Variants in CNTN4 observed in about 807,000 individuals in gnomAD.
CNTN4 encodes the protein contactin 4.
A neutral mutation model predicts 122.5 loss-of-function variants in CNTN4; 77 were observed. The observed-to-expected ratio is 0.63, with a 90% CI of 0.52 to 0.76. The LOEUF (loss-of-function observed/expected upper bound fraction) is 0.76, where lower values mean the gene tolerates loss of function less well. Ranked by LOEUF, CNTN4 falls within the 30% of genes least tolerant of loss-of-function variation. The probability of loss-of-function intolerance (pLI) is 0.00; values close to 1 mark genes in which losing one functional copy is unlikely to be tolerated. For synonymous variants in CNTN4, 512 were observed against 447.0 expected, an observed-to-expected ratio of 1.15 and a Z score of -1.83; for missense variants, 1,256 against 1,259.1, an observed-to-expected ratio of 1.00 and a Z score of 0.04.
At chr3:2,532,303 G>C (rs902402885) in intron 3 of CNTN4, among the ~76,000 whole-genome samples, 7 of 151,974 alleles carry the variant, frequency 4.6e-5, no homozygotes, top group African/African-American at 1.7e-4. Context: ...CCCTGGGCTG[G>C]ACTGCAGTGG....
intron 2 of CNTN4, among the ~76,000 whole-genome samples, chr3:2,114,074 T>C (rs1324202659): frequency 6.6e-6 from 1 of 152,094 alleles, no homozygotes; most frequent in Non-Finnish European, 1.5e-5. Context: ...ATAATGGTGG[T>C]AGTTTCATCG....
intron 6 of CNTN4, among the ~76,000 whole-genome samples, chr3:2,758,992 T>G (rs2090465353): frequency 6.6e-6 from 1 of 152,164 alleles, no homozygotes; most frequent in Non-Finnish European, 1.5e-5. Context: ...ACAGTCACTT[T>G]CTGTTCCTTC....
In CNTN4 at chr3:2,828,307, C is replaced by A. The variant is rs147567623; in HGVS notation, c.454+8726C>A. 2.0e-5 allele frequency among the ~76,000 whole-genome samples: 3 copies of A among 152,114 alleles called. 1 individual carries two copies. The highest frequency in any genetic ancestry group is 4.2e-4 in the South Asian group (2 of 4,802). ...TCATGTCACCTGAGAAGCGACTTCC[C>A]TGAGAGATGCCTTATCACCTGCAAG... On this transcript the variant is annotated intron_variant, in intron 7 of 24. Coordinates refer to ENST00000418658, the MANE Select transcript of CNTN4 (RefSeq NM_175607.3).
At chr3:2,559,882 C>A (rs900761882) in intron 3 of CNTN4, among the ~76,000 whole-genome samples, 1 of 152,138 alleles carries the variant, frequency 6.6e-6, no homozygotes, top group Non-Finnish European at 1.5e-5. Flanking sequence ...ATGCAAGCTC[C>A]ATGATAGCAG....
intron 2 of CNTN4, among the ~76,000 whole-genome samples, chr3:2,263,294 C>G (rs1262293841): frequency 6.6e-6 from 1 of 151,962 alleles, no homozygotes; most frequent in East Asian, 1.9e-4. Flanking sequence ...TTAACGGTGT[C>G]AGCAAAATAA....
intron 6 of CNTN4, among the ~76,000 whole-genome samples, chr3:2,801,468 A>G (rs1425638017): frequency 2.0e-5 from 3 of 152,226 alleles, no homozygotes; most frequent in African/African-American, 4.8e-5. Flanking sequence ...GAATCTTTGT[A>G]GCCTCACACA....
At chr3:2,911,583 A>G (rs980882277) in intron 12 of CNTN4, among the ~76,000 whole-genome samples, 2 of 152,214 alleles carry the variant, frequency 1.3e-5, no homozygotes, top group African/African-American at 4.8e-5. Flanking sequence ...ACAGAAATCA[A>G]CCCTAAAGAA....
chr3:2,237,902 T>C (rs1249966121), intron 2 of CNTN4, among the ~76,000 whole-genome samples: 23 of 152,172 alleles, frequency 1.5e-4, no homozygotes, highest in Admixed American at 1.5e-3. Context: ...AAAATAGATT[T>C]ACTGTGATAA....
At chr3:2,332,059 G>A (rs542370157) in intron 2 of CNTN4, among the ~76,000 whole-genome samples, 1 of 152,230 alleles carries the variant, frequency 6.6e-6, no homozygotes, top group Admixed American at 6.5e-5. Context: ...TGAACCTGGT[G>A]CCATCCCCTT....
In CNTN4 at chr3:2,340,710, T is replaced by TATAGAGAG; in HGVS notation, c.-89+1478_-89+1479insTAGAGAGA. 5.8e-3 allele frequency among the ~76,000 whole-genome samples: 106 copies of TATAGAGAG among 18,298 alleles called. 2 individuals are homozygous for TATAGAGAG. Among genetic ancestry groups the TATAGAGAG allele is most frequent in the African/African-American group, 9.8e-3 (98 of 9,976 alleles). 12.0% of individuals were successfully genotyped at this position (18,298 alleles called of 152,430 possible). On this transcript the variant is annotated intron_variant, in intron 3 of 24. Coordinates refer to ENST00000418658, the MANE Select transcript of CNTN4 (RefSeq NM_175607.3). ...TTATATATATATATATATATATATA[T>TATAGAGAG]AGAGAGAGAGAGAGAGAGAGAGAGA...
chr3:2,958,101 C>A (rs966870972), intron 13 of CNTN4, among the ~76,000 whole-genome samples: 1 of 152,128 alleles, frequency 6.6e-6, no homozygotes, highest in Non-Finnish European at 1.5e-5. Flanking sequence ...CCACATATTG[C>A]AAGACTGTAG....
intron 6 of CNTN4, among the ~76,000 whole-genome samples, chr3:2,786,486 G>T (rs1428281555): frequency 1.3e-5 from 2 of 152,126 alleles, no homozygotes; most frequent in African/African-American, 4.8e-5. Flanking sequence ...AAGATCTGTG[G>T]GCTGCGTAAG....
At chr3:2,588,268 G>A (rs907906792) in intron 4 of CNTN4, among the ~76,000 whole-genome samples, 4 of 152,096 alleles carry the variant, frequency 2.6e-5, no homozygotes, top group Non-Finnish European at 5.9e-5. Context: ...AGACATGCTG[G>A]CACCAAGTGA....
At chr3:2,804,130 GACAA>G (rs2092411806) in intron 6 of CNTN4, among the ~76,000 whole-genome samples, 1 of 148,678 alleles carries the variant, frequency 6.7e-6, no homozygotes, top group Admixed American at 6.7e-5. Flanking sequence ...AAAAACACAT[GACAA>G]ACAAAATAAT....
At chr3:2,381,443 T>G (rs17013524) in intron 3 of CNTN4, among the ~76,000 whole-genome samples, 19,875 of 152,188 alleles carry the variant, frequency 0.13, 1,971 homozygotes, top group East Asian at 0.51. Flanking sequence ...CTTCTGCACT[T>G]AGGTCTCTTA....
chr3:2,815,736 T>A (rs2092710573), intron 6 of CNTN4, among the ~76,000 whole-genome samples: 1 of 152,118 alleles, frequency 6.6e-6, no homozygotes, highest in South Asian at 2.1e-4. Flanking sequence ...CTACTGAGTA[T>A]CTACCCAGAG....
At position 2,698,506 on chromosome 3, in the gene CNTN4, A is replaced by G. The variant is rs749178491; in HGVS notation, c.56-37709A>G. ...CACTGAGCCTTGTACTTATTTTACAAATAGGAAGCTGTTCTCTGTGGTGAT... is the reference window on the plus strand; with the variant it reads ...CACTGAGCCTTGTACTTATTTTACAGATAGGAAGCTGTTCTCTGTGGTGAT... On this transcript the variant is annotated intron_variant, in intron 4 of 24. Coordinates refer to ENST00000418658, the MANE Select transcript of CNTN4 (RefSeq NM_175607.3). Among the ~76,000 whole-genome samples, 22 of 152,164 alleles carry G rather than the reference A, an allele frequency of 1.4e-4. No homozygotes were observed. In the South Asian group the frequency reaches 1.7e-3, roughly 11 times the overall value.
chr3:2,632,844 A>T (rs1254484495), intron 4 of CNTN4, among the ~76,000 whole-genome samples: 2 of 152,106 alleles, frequency 1.3e-5, no homozygotes, highest in African/African-American at 4.8e-5. Flanking sequence ...TAAATTCCCC[A>T]GGGTTGCCCT....
intron 2 of CNTN4, among the ~76,000 whole-genome samples, chr3:2,227,942 C>T (rs990941101): frequency 6.6e-6 from 1 of 151,924 alleles, no homozygotes; most frequent in African/African-American, 2.4e-5. Context: ...CTTTGAAGTA[C>T]CATAGTTGAA....
Sources: gnomAD v4.1 joint callset for allele counts (sites outside exome capture counted in the v4.1 genomes callset) on GRCh38, gnomAD v4.1.1 for gene constraint, MANE v1.5 for transcripts, NCBI Gene and HGNC (gene_info 2026-07-23, HGNC 2026-07-21) for gene names.